PDGFRL: variants seen among roughly 807,000 people sequenced by gnomAD.
PDGFRL encodes platelet-derived growth factor receptor-like protein.
PDGFRL carries 46 observed loss-of-function variants against 37.2 expected under a neutral mutation model. The ratio of observed to expected loss-of-function variants is 1.24; its 90% CI spans 0.98 to 1.58. The LOEUF (loss-of-function observed/expected upper bound fraction) is 1.58. Among genes scored for constraint, PDGFRL ranks in the 40% most tolerant of loss-of-function variants. PDGFRL has a pLI of 0.00. For missense variants in PDGFRL, 692 were observed against 467.6 expected, an observed-to-expected ratio of 1.48 and a Z score of -4.43; for synonymous variants, 251 against 184.3, an observed-to-expected ratio of 1.36 and a Z score of -2.93.
intron 3 of PDGFRL, among the ~76,000 whole-genome samples, chr8:17,626,855 T>A (rs768237938): frequency 2.6e-5 from 4 of 152,076 alleles, no homozygotes; most frequent in Non-Finnish European, 5.9e-5. Context: ...TTCAGTAAGA[T>A]AAAAATGCCA....
chr8:17,628,206 G>C (rs955243168), intron 3 of PDGFRL, among the ~76,000 whole-genome samples: 1 of 151,458 alleles, frequency 6.6e-6, no homozygotes, highest in Non-Finnish European at 1.5e-5. Context: ...GTGTTAGCCA[G>C]GATGGTCTCG....
intron 1 of PDGFRL, among the ~76,000 whole-genome samples, chr8:17,583,808 C>T (rs979304382): frequency 1.2e-4 from 19 of 152,232 alleles, no homozygotes; most frequent in Middle Eastern, 3.4e-3. Flanking sequence ...TCTCTTGCTT[C>T]TTCTCTCTCC....
At chr8:17,627,617 G>T (rs925825668) in intron 3 of PDGFRL, among the ~76,000 whole-genome samples, 1 of 150,162 alleles carries the variant, frequency 6.7e-6, no homozygotes, top group African/African-American at 2.5e-5. Context: ...CTACAGGCGC[G>T]CACCACCACA....
At chr8:17,640,443 C>T (rs1049984877) in intron 5 of PDGFRL, among the ~76,000 whole-genome samples, 1 of 151,914 alleles carries the variant, frequency 6.6e-6, no homozygotes, top group Non-Finnish European at 1.5e-5. Flanking sequence ...AAGGGCTGCT[C>T]TTCATATTCT....
chr8:17,593,907 AAAAG>A (rs1279588731), intron 2 of PDGFRL, among the ~76,000 whole-genome samples: 1 of 152,030 alleles, frequency 6.6e-6, no homozygotes, highest in East Asian at 1.9e-4. Context: ...AAAAGAAAAA[AAAAG>A]AAAAAATAAT....
At chr8:17,615,253 A>G (rs1323783546) in intron 2 of PDGFRL, among the ~76,000 whole-genome samples, 1 of 152,160 alleles carries the variant, frequency 6.6e-6, no homozygotes, top group African/African-American at 2.4e-5. Context: ...CGTTTCTACT[A>G]TGGAATTTAA....
At chr8:17,611,518 C>A (rs960230205) in intron 2 of PDGFRL, among the ~76,000 whole-genome samples, 1 of 152,068 alleles carries the variant, frequency 6.6e-6, no homozygotes, top group African/African-American at 2.4e-5. Flanking sequence ...GACGAGTAAC[C>A]ACGTTTTGGT....
intron 2 of PDGFRL, among the ~76,000 whole-genome samples, chr8:17,606,876 T>C (rs1804288683): frequency 1.4e-5 from 1 of 72,164 alleles, no homozygotes; most frequent in African/African-American, 5.3e-5. Flanking sequence ...CAGCCAGTTT[T>C]TCGTTTTTTG....
intron 1 of PDGFRL, among the ~76,000 whole-genome samples, chr8:17,583,745 A>G (rs897963027): frequency 5.3e-5 from 8 of 152,064 alleles, no homozygotes; most frequent in African/African-American, 1.9e-4. Flanking sequence ...TTCTTGCTCC[A>G]CTAATTCATG....
chr8:17,604,667 A>G (rs1251474531), intron 2 of PDGFRL, among the ~76,000 whole-genome samples: 1 of 152,178 alleles, frequency 6.6e-6, no homozygotes, highest in Non-Finnish European at 1.5e-5. Context: ...GCATACCAGC[A>G]TGGCACATGT....
chr8:17,611,215 T>C (rs1020826363), intron 2 of PDGFRL, among the ~76,000 whole-genome samples: 2 of 152,208 alleles, frequency 1.3e-5, no homozygotes, highest in Non-Finnish European at 2.9e-5. Flanking sequence ...AGATGATCTT[T>C]AAGGTCCCTC....
At chr8:17,640,824 C>A (rs1805076110) in intron 5 of PDGFRL, among the ~76,000 whole-genome samples, 3 of 152,214 alleles carry the variant, frequency 2.0e-5, no homozygotes, top group East Asian at 1.9e-4. Context: ...GTGGGCAGGA[C>A]CCTAGAGCTC....
At position 17,623,852 on chromosome 8, in the gene PDGFRL, C is replaced by T. The variant is rs181020234; in HGVS notation, c.505+2650C>T. Among the ~76,000 whole-genome samples the T allele has an allele frequency of 7.8e-3, 1,053 of 134,456 alleles. 4 individuals carry two copies. Among genetic ancestry groups the T allele is most frequent in the Middle Eastern group, 0.011 (3 of 270 alleles). 88.2% of individuals were successfully genotyped at this position (134,456 alleles called of 152,430 possible). On this transcript the variant is annotated intron_variant, in intron 3 of 5. Coordinates refer to ENST00000251630, the MANE Select transcript of PDGFRL (RefSeq NM_001372073.1). ...TTGCGCCACTGCACTCCAACCTGGG[C>T]GACAGAGCAAGACTTTACCTCAAAA...
intron 5 of PDGFRL, among the ~76,000 whole-genome samples, chr8:17,635,664 T>C (rs1330849103): frequency 1.3e-5 from 2 of 152,238 alleles, no homozygotes; most frequent in African/African-American, 4.8e-5. Flanking sequence ...CTGGATCAAA[T>C]GGTGGTTCTA....
intron 1 of PDGFRL, among the ~76,000 whole-genome samples, chr8:17,584,714 C>G (rs1164192462): frequency 1.1e-5 from 1 of 87,096 alleles, no homozygotes; most frequent in Non-Finnish European, 2.5e-5. Context: ...TTCTCAGAAA[C>G]TGCTTTTTTT....
At chr8:17,593,166 C>T (rs1425411042) in intron 2 of PDGFRL, among the ~76,000 whole-genome samples, 1 of 152,154 alleles carries the variant, frequency 6.6e-6, no homozygotes, top group Non-Finnish European at 1.5e-5. Context: ...TCCGTTCTTC[C>T]TGTTTCCCTT....
chr8:17,617,141 G>A (rs993354367), intron 2 of PDGFRL, among the ~76,000 whole-genome samples: 3 of 152,108 alleles, frequency 2.0e-5, no homozygotes, highest in Non-Finnish European at 4.4e-5. Flanking sequence ...ACACATACAC[G>A]GGGTCTTAAA....
At chr8:17,615,951 G>C (rs79098282) in intron 2 of PDGFRL, among the ~76,000 whole-genome samples, 1,572 of 152,296 alleles carry the variant, frequency 0.01, 28 homozygotes, top group African/African-American at 0.035. Context: ...CTCTGTGGCA[G>C]ATGCTGTTCT....
chr8:17,587,951 G>T (rs1165310729), intron 1 of PDGFRL, among the ~76,000 whole-genome samples: 3 of 151,238 alleles, frequency 2.0e-5, no homozygotes, highest in Non-Finnish European at 2.9e-5. Flanking sequence ...ATTCATTCTT[G>T]TTGAGTGGAC....
Sources: gnomAD v4.1 joint callset for allele counts (sites outside exome capture counted in the v4.1 genomes callset) on GRCh38, gnomAD v4.1.1 for gene constraint, MANE v1.5 for transcripts, NCBI Gene and HGNC (gene_info 2026-07-23, HGNC 2026-07-21) for gene names.